Variants in NELL1 observed in about 807,000 individuals in gnomAD.
NELL1 encodes the protein neural EGFL like 1.
A neutral mutation model predicts 107.4 loss-of-function variants in NELL1; 76 were observed. The observed-to-expected ratio is 0.71, with a 90% CI of 0.59 to 0.86. The LOEUF is 0.86. Among genes scored for constraint, NELL1 ranks in the 40% least tolerant of loss-of-function variants. NELL1 has a pLI of 0.00. For missense variants in NELL1, 1,024 were observed against 1,005.5 expected (o/e 1.02, Z -0.25); for synonymous variants, 353 against 341.2 (o/e 1.03, Z -0.38).
intron 1 of NELL1, chr11:20,674,679 T>C: frequency 1.4e-6 from 1 of 693,674 alleles, no homozygotes; most frequent in Non-Finnish European, 2.5e-6. Flanking sequence ...GGACTGAAAC[T>C]GGATCTCAGT....
chr11:20,950,372 T>C (rs955286403), intron 11 of NELL1, among the ~76,000 whole-genome samples: 3 of 152,208 alleles, frequency 2.0e-5, no homozygotes, highest in African/African-American at 7.2e-5. Context: ...AGTTCAAAAG[T>C]CTGTCATCTT....
At chr11:20,996,098 C>A (rs1590516722) in intron 12 of NELL1, among the ~76,000 whole-genome samples, 1 of 152,176 alleles carries the variant, frequency 6.6e-6, no homozygotes. Flanking sequence ...TCAGTATGAT[C>A]TCATTCTCAT....
chr11:21,497,481 T>C (rs1855013259), intron 15 of NELL1, among the ~76,000 whole-genome samples: 1 of 152,186 alleles, frequency 6.6e-6, no homozygotes, highest in Non-Finnish European at 1.5e-5. Context: ...AGAAAGTCTT[T>C]CTTAATTTCA....
At chr11:21,423,081 A>G (rs1191193923) in intron 15 of NELL1, among the ~76,000 whole-genome samples, 2 of 152,162 alleles carry the variant, frequency 1.3e-5, no homozygotes, top group African/African-American at 4.8e-5. Context: ...ATTTTATAAA[A>G]GGTGCCCAAG....
At chr11:21,388,569 C>T (rs1169385628) in intron 15 of NELL1, among the ~76,000 whole-genome samples, 1 of 151,814 alleles carries the variant, frequency 6.6e-6, no homozygotes, top group African/African-American at 2.4e-5. Flanking sequence ...AAGTTTAATT[C>T]CCGTATTACC....
At chr11:20,768,496 C>A (rs12419302) in intron 2 of NELL1, among the ~76,000 whole-genome samples, 1 of 152,090 alleles carries the variant, frequency 6.6e-6, no homozygotes, top group Admixed American at 6.5e-5. Flanking sequence ...TGCTGCCCTC[C>A]TTCCCAGTGA....
chr11:20,988,403 CTATA>C (rs1851896018), intron 12 of NELL1, among the ~76,000 whole-genome samples: 1 of 147,428 alleles, frequency 6.8e-6, no homozygotes, highest in Non-Finnish European at 1.5e-5. Flanking sequence ...ATATACATAT[CTATA>C]TATACACATG....
chr11:21,011,034 GT>G (rs1342495531), intron 12 of NELL1, among the ~76,000 whole-genome samples: 1 of 152,000 alleles, frequency 6.6e-6, no homozygotes, highest in African/African-American at 2.4e-5. Flanking sequence ...AATGTTCCTG[GT>G]TTCCTCAGTC....
intron 14 of NELL1, among the ~76,000 whole-genome samples, chr11:21,364,665 A>C (rs1331625594): frequency 6.6e-6 from 1 of 152,188 alleles, no homozygotes; most frequent in Non-Finnish European, 1.5e-5. Flanking sequence ...GGTCTTTAAT[A>C]AAAATTTTAT....
In NELL1 at chr11:20,715,118, G is replaced by A. The variant is rs1165193451; in HGVS notation, c.184+37058G>A. ...AAATTAGCTGGGCGTGGTGGCGGGC[G>A]CCTGTAGTCCCAGCTACTCGGGACC... On this transcript the variant is annotated intron_variant, in intron 2 of 19. Coordinates refer to ENST00000357134, the MANE Select transcript of NELL1 (RefSeq NM_006157.5). Among the ~76,000 whole-genome samples, 5 of 151,940 alleles carry A rather than the reference G, an allele frequency of 3.3e-5. No homozygotes were observed. In the South Asian group the frequency reaches 1.0e-3, roughly 32 times the overall value.
chr11:21,419,334 GA>G (rs1286161141), intron 15 of NELL1, among the ~76,000 whole-genome samples: 2 of 151,666 alleles, frequency 1.3e-5, no homozygotes, highest in East Asian at 1.9e-4. Flanking sequence ...TATTAAATTG[GA>G]AAAAAAATTC....
At chr11:21,531,678 A>G (rs772888037) in intron 15 of NELL1, among the ~76,000 whole-genome samples, 10 of 152,182 alleles carry the variant, frequency 6.6e-5, no homozygotes, top group Non-Finnish European at 1.2e-4. Flanking sequence ...GAGTGCAGCC[A>G]GCCAGGCTCA....
chr11:21,173,524 C>T (rs1034501235), intron 13 of NELL1, among the ~76,000 whole-genome samples: 2 of 151,840 alleles, frequency 1.3e-5, no homozygotes, highest in Non-Finnish European at 2.9e-5. Flanking sequence ...TTCCTCACTA[C>T]TCCAGGGAAA....
At chr11:20,707,617 G>C (rs950864436) in intron 2 of NELL1, among the ~76,000 whole-genome samples, 2 of 152,174 alleles carry the variant, frequency 1.3e-5, no homozygotes, top group Non-Finnish European at 2.9e-5. Context: ...AGGTCTGTTG[G>C]AGTTTGCTGG....
Position 21,371,348 on chromosome 11 carries a change from C to A in NELL1, c.1645+400C>A, listed in dbSNP as rs539658152. 1.1e-4 allele frequency among the ~76,000 whole-genome samples: 17 copies of A among 152,186 alleles called. No homozygotes were observed. In the East Asian group the frequency reaches 3.1e-3, roughly 28 times the overall value. On this transcript the variant is annotated intron_variant, in intron 15 of 19. Coordinates refer to ENST00000357134, the MANE Select transcript of NELL1 (RefSeq NM_006157.5). ...CTAAATTAGCAGCACATGCTCCTTGCGTAAAACCACATTAAATAATTCCAG... is the reference window on the plus strand; with the variant it reads ...CTAAATTAGCAGCACATGCTCCTTGAGTAAAACCACATTAAATAATTCCAG...
chr11:20,824,243 A>C (rs1337630884), intron 3 of NELL1, among the ~76,000 whole-genome samples: 2 of 151,292 alleles, frequency 1.3e-5, no homozygotes, highest in Non-Finnish European at 3.0e-5. Context: ...CCATGAATGC[A>C]AGTTTCCTGG....
chr11:20,781,685 A>AT (rs1039288201), intron 2 of NELL1, among the ~76,000 whole-genome samples: 1 of 151,782 alleles, frequency 6.6e-6, no homozygotes, highest in African/African-American at 2.4e-5. Context: ...TAAGACTTGA[A>AT]TTTTTTTTGG....
At chr11:21,276,999 A>G (rs1332853651) in intron 14 of NELL1, among the ~76,000 whole-genome samples, 1 of 151,602 alleles carries the variant, frequency 6.6e-6, no homozygotes, top group African/African-American at 2.4e-5. Context: ...CAAGGACTTC[A>G]TGTCTAAAAC....
intron 14 of NELL1, among the ~76,000 whole-genome samples, chr11:21,369,290 A>AT (rs1851303949): frequency 6.6e-6 from 1 of 150,544 alleles, no homozygotes; most frequent in African/African-American, 2.4e-5. Flanking sequence ...GGGACAAGAG[A>AT]TTTTACCTCC....
Sources: allele counts gnomAD v4.1 joint callset (sites outside exome capture counted in the v4.1 genomes callset), GRCh38; gene constraint gnomAD v4.1.1; transcripts MANE v1.5; gene names NCBI Gene and HGNC (gene_info 2026-07-23, HGNC 2026-07-21).